The following DYNC2H1 variants were observed in gnomAD, a reference collection of about 807,000 sequenced individuals.
DYNC2H1 encodes the protein dynein cytoplasmic 2 heavy chain 1.
DYNC2H1 carries 410 observed loss-of-function variants against 570.0 expected under a neutral mutation model. The observed-to-expected ratio is 0.72, with a 90% CI of 0.66 to 0.78. The LOEUF (loss-of-function observed/expected upper bound fraction) is 0.78, where lower values mean the gene tolerates loss of function less well. Ranked by LOEUF, DYNC2H1 falls within the 30% of genes least tolerant of loss-of-function variation. The pLI, the probability that DYNC2H1 is intolerant of heterozygous loss-of-function variation, is 0.00. For synonymous variants in DYNC2H1, 1,688 were observed against 1,677.6 expected (o/e 1.01, Z -0.15); for missense variants, 4,865 against 5,046.4 (o/e 0.96, Z 1.09).
At chr11:103,408,253 A>C (rs1709160) in intron 84 of DYNC2H1, 1 of 151,652 alleles carries the variant, frequency 6.6e-6, no homozygotes, top group Non-Finnish European at 1.5e-5. Context: ...AGTCCGTAGG[A>C]GCCTACAGTG....
intron 84 of DYNC2H1, among the ~76,000 whole-genome samples, chr11:103,430,738 CCTGA>C (rs10536883): frequency 0.55 from 83,991 of 151,464 alleles, 23,894 homozygotes; most frequent in East Asian, 0.71. Context: ...GCTGTCTTTA[CCTGA>C]CTATTATAGA....
At chr11:103,454,871 G>A (rs1277999932) in intron 85 of DYNC2H1, 5 of 217,186 alleles carry the variant, frequency 2.3e-5, no homozygotes, top group Admixed American at 5.4e-5. Context: ...TCAGTATTTC[G>A]TCAGCACACT....
rs7943231 is a variant in DYNC2H1, at chr11:103,409,143, C to A, written c.12366+9271C>A. The stretch of plus-strand genomic sequence containing the variant: ...TGCTAGAGGTGGTGTTTTTGGTAAA[C>A]AGGCAGGGTAAGATTTGCCGAGTTC... On this transcript the variant is annotated intron_variant, in intron 84 of 88. Coordinates refer to ENST00000375735, the MANE Select transcript of DYNC2H1 (RefSeq NM_001377.3). Among the ~76,000 whole-genome samples the A allele has an allele frequency of 1.6e-3, 242 of 152,116 alleles. 1 individual carries two copies. The highest frequency in any genetic ancestry group is 5.5e-3 in the African/African-American group (230 of 41,526).
At chr11:103,138,892 C>G (rs1360357887) in intron 17 of DYNC2H1, among the ~76,000 whole-genome samples, 2 of 151,886 alleles carry the variant, frequency 1.3e-5, no homozygotes, top group East Asian at 1.9e-4. Flanking sequence ...AATTTCAGAG[C>G]CTGTTATTGG....
intron 82 of DYNC2H1, among the ~76,000 whole-genome samples, chr11:103,333,780 T>C (rs1938962469): frequency 1.3e-5 from 2 of 152,202 alleles, no homozygotes; most frequent in Non-Finnish European, 2.9e-5. Flanking sequence ...AGAAAGTTAA[T>C]AGAAAATTTT....
intron 17 of DYNC2H1, among the ~76,000 whole-genome samples, chr11:103,140,445 G>C (rs1382738556): frequency 6.6e-6 from 1 of 152,054 alleles, no homozygotes. Context: ...TGTCTGTAAA[G>C]TATTTTATTT....
At chr11:103,376,953 T>C (rs1378099201) in intron 83 of DYNC2H1, among the ~76,000 whole-genome samples, 2 of 152,220 alleles carry the variant, frequency 1.3e-5, no homozygotes. Context: ...CTCTTCCTAT[T>C]CTCTCCTGAC....
chr11:103,211,729 C>A, intron 53 of DYNC2H1, 60 bp from the exon 54 acceptor site: 3 of 666,920 alleles, frequency 4.5e-6, no homozygotes, highest in South Asian at 6.9e-5. Flanking sequence ...AGGATATTTT[C>A]TCTTATTTTT....
Position 103,129,570 on chromosome 11 carries a change from GC to G in DYNC2H1, c.1953+566del, listed in dbSNP as rs1859164447. On this transcript the variant is annotated intron_variant, in intron 13 of 88. Transcript: ENST00000375735. The surrounding 1 kb of genome is among the most constrained non-coding windows in gnomAD (Gnocchi z 4.1). ...ATGGTGGTGGGTGCCTGTAATCCCA[GC>G]TACTCGGGAGGCTGATGCAGGAGAA... Among the ~76,000 whole-genome samples the G allele has an allele frequency of 6.6e-6, 1 of 152,096 alleles. No individual in the cohort carries two copies. The highest frequency in any genetic ancestry group is 2.4e-5 in the African/African-American group (1 of 41,414).
intron 6 of DYNC2H1, among the ~76,000 whole-genome samples, chr11:103,118,375 T>A (rs1179252276): frequency 6.6e-6 from 1 of 152,026 alleles, no homozygotes; most frequent in East Asian, 1.9e-4. Flanking sequence ...AAAACAAAAC[T>A]TTTTTAAAAA....
rs551165937 is a variant in DYNC2H1 at position 103,189,513 on chromosome 11, C to T, written c.7293-159C>T. Among the ~76,000 whole-genome samples the T allele has an allele frequency of 2.0e-5, 3 of 152,156 alleles. No individual in the cohort carries two copies. The highest frequency in any genetic ancestry group is 4.8e-5 in the African/African-American group (2 of 41,526). On this transcript the variant is annotated intron_variant, in intron 44 of 88. Transcript: ENST00000375735. This position sits in a 1 kb window ranked among gnomAD's most constrained non-coding sequence, Gnocchi z 4.3. ...GAATTTGGTTGAAATGAGAATGGAT[C>T]GGGGCGATGAGCCTAGTCTTAGCCC... is the stretch of plus-strand genomic sequence containing the variant.
chr11:103,135,434 A>G, intron 15 of DYNC2H1, 61 bp from the exon 16 acceptor site: 6 of 1,361,110 alleles, frequency 4.4e-6, no homozygotes, highest in Non-Finnish European at 4.8e-6. Flanking sequence ...TGAAAGTATT[A>G]AATGAAAAAT....
Position 103,363,334 on chromosome 11 carries a change from T to A in DYNC2H1, c.12156+4975T>A, listed in dbSNP as rs1430911517. ...TGAGAAAATCAGTTTATTTTAGATA[T>A]GTTTATAAGTGAGCTGGAGAGGAGA... is the stretch of plus-strand genomic sequence containing the variant. On this transcript the variant is annotated intron_variant, in intron 83 of 88. Coordinates refer to ENST00000375735, the MANE Select transcript of DYNC2H1 (RefSeq NM_001377.3). This position sits in a 1 kb window ranked among gnomAD's most constrained non-coding sequence, Gnocchi z 5.6. Among the ~76,000 whole-genome samples, 1 of 152,182 alleles carries A rather than the reference T, an allele frequency of 6.6e-6. No homozygotes were observed. Among genetic ancestry groups the A allele is most frequent in the African/African-American group, 2.4e-5 (1 of 41,444 alleles).
chr11:103,121,317 T>C (rs1389918740), intron 9 of DYNC2H1, 55 bp from the exon 10 acceptor site: 8 of 1,526,512 alleles, frequency 5.2e-6, no homozygotes, highest in Non-Finnish European at 6.2e-6. Flanking sequence ...GTGGAAGTTA[T>C]TTAGGAAATC....
intron 85 of DYNC2H1, among the ~76,000 whole-genome samples, chr11:103,445,540 G>T (rs1205220064): frequency 1.3e-5 from 2 of 152,196 alleles, no homozygotes; most frequent in Non-Finnish European, 2.9e-5. Flanking sequence ...ATGGACTAGG[G>T]TGGTGGCTGT....
At position 103,304,630 on chromosome 11, in the gene DYNC2H1, T is replaced by C. The variant is rs1465623566; in HGVS notation, c.11292T>C (p.Ile3764=). The change falls in exon 77 of 89, where the codon ATT becomes ATC. Residue 3764 remains isoleucine (I), a synonymous_variant. Coordinates refer to ENST00000375735, the MANE Select transcript of DYNC2H1 (RefSeq NM_001377.3). ...GTCAAGGTCAAGCTGATTTAGCAAT[T>C]CAAATGCTAAAAGAATGTGCCCGCA... ...AMGQGQADLA[I]QMLKECARNG... The C allele has an allele frequency of 6.2e-7, 1 of 1,613,400 alleles. No homozygotes were observed. Among genetic ancestry groups the C allele is most frequent in the Non-Finnish European group, 8.5e-7 (1 of 1,179,538 alleles).
At chr11:103,131,687 G>T (rs1350086485) in intron 13 of DYNC2H1, among the ~76,000 whole-genome samples, 1 of 151,858 alleles carries the variant, frequency 6.6e-6, no homozygotes, top group Non-Finnish European at 1.5e-5. Context: ...ATTCCTGAAG[G>T]ATATTTTAAA....
Position 103,122,965 on chromosome 11 carries a change from TC to T in DYNC2H1, c.1627del (p.Gln543AsnfsTer29). ...AATTTGATGATTGGTCCAGGGATAT[TC>T]AATCAGGTTTATCTGATTCCAGATC... ...EQFDDWSRDI[Q>X]SGLSDSRSGL... On this transcript the variant is annotated frameshift_variant, in exon 11 of 89. Transcript: ENST00000375735. LOFTEE classifies it high-confidence loss of function. 1.3e-6 allele frequency: 2 copies of T among 1,584,912 alleles called. No individual in the cohort carries two copies. Among genetic ancestry groups the T allele is most frequent in the Non-Finnish European group, 1.7e-6 (2 of 1,161,800 alleles).
At chr11:103,214,128 A>G (rs664285) in intron 54 of DYNC2H1, among the ~76,000 whole-genome samples, 115,090 of 152,110 alleles carry the variant, frequency 0.76, 44,071 homozygotes, top group Admixed American at 0.84. Context: ...TCAGTGGACT[A>G]TAAATACATG....
Sources: allele counts gnomAD v4.1 joint callset (sites outside exome capture counted in the v4.1 genomes callset), GRCh38; gene constraint gnomAD v4.1.1; non-coding constraint Gnocchi (gnomAD v3.1); transcripts MANE v1.5; gene names NCBI Gene and HGNC (gene_info 2026-07-23, HGNC 2026-07-21).